VPS26A: variants seen among roughly 807,000 people sequenced by gnomAD.
VPS26A encodes VPS26 retromer complex component A.
A neutral mutation model predicts 42.4 loss-of-function variants in VPS26A; 22 were observed. The ratio of observed to expected loss-of-function variants is 0.52; its 90% CI spans 0.37 to 0.74. The LOEUF (loss-of-function observed/expected upper bound fraction) is 0.74. VPS26A is among the 30% of genes least tolerant of loss of function. The pLI, the probability that VPS26A is intolerant of heterozygous loss-of-function variation, is 0.00. For synonymous variants in VPS26A, 110 were observed against 123.5 expected (o/e 0.89, Z 0.73); for missense variants, 276 against 379.2 (o/e 0.73, Z 2.26).
intron 2 of VPS26A, among the ~76,000 whole-genome samples, chr10:69,154,054 C>T (rs955164815): frequency 6.6e-5 from 10 of 152,192 alleles, no homozygotes; most frequent in Non-Finnish European, 1.3e-4. Flanking sequence ...CTGGTCATCT[C>T]ACAGTGAACT....
rs531340970 is a variant in VPS26A, at chr10:69,133,013, A to C, written c.119A>C (p.Tyr40Ser). 29 of 1,611,030 alleles carry C rather than the reference A, an allele frequency of 1.8e-5. No individual in the cohort carries two copies. Among genetic ancestry groups the C allele is most frequent in the African/African-American group, 1.2e-4 (9 of 74,736 alleles). The stretch of plus-strand genomic sequence containing the variant: ...GAAGATGGCAAAGTAGAAAAACACT[A>C]TCTCTTCTATGACGGAGAATCCGTT... ...KTEDGKVEKH[Y>S]LFYDGESVSG... The change falls in exon 2 of 9, where the codon TAT becomes TCT. Residue 40 changes from tyrosine to serine, a missense_variant. Transcript: ENST00000263559.
At chr10:69,136,459 C>T (rs12244789) in intron 2 of VPS26A, among the ~76,000 whole-genome samples, 6,320 of 151,690 alleles carry the variant, frequency 0.042, 462 homozygotes, top group African/African-American at 0.14. Context: ...TTAACAGAGA[C>T]GGGATTTCAC....
rs1841806839 is a variant in VPS26A, at chr10:69,171,217, A to G, written c.932A>G (p.Gln311Arg). The change falls in exon 9 of 9, where the codon CAG (glutamine) becomes CGG (arginine). Residue 311 changes from glutamine (Q) to arginine (R), a missense_variant. By Grantham distance (43) the Gln-to-Arg change is conservative (BLOSUM62 1). Transcript: ENST00000263559. Reference sequence around the variant, plus strand: ...AGGAAACAGAGAACAAACTTTCACCAGCGATTTGAATCTCCAGAATCACAG... The same window carrying G: ...AGGAAACAGAGAACAAACTTTCACCGGCGATTTGAATCTCCAGAATCACAG... ...KLRKQRTNFH[Q>R]RFESPESQAS... The G allele has an allele frequency of 6.2e-7, 1 of 1,613,902 alleles. No homozygotes were observed. The highest frequency in any genetic ancestry group is 1.1e-5 in the South Asian group (1 of 91,022).
At chr10:69,158,943 TATC>T (rs1841491846) in intron 5 of VPS26A, among the ~76,000 whole-genome samples, 1 of 152,238 alleles carries the variant, frequency 6.6e-6, no homozygotes, top group Non-Finnish European at 1.5e-5. Flanking sequence ...GCTGTATCAA[TATC>T]ATTTTATACA....
At chr10:69,153,203 C>T (rs1237587748) in intron 2 of VPS26A, among the ~76,000 whole-genome samples, 1 of 151,886 alleles carries the variant, frequency 6.6e-6, no homozygotes, top group African/African-American at 2.4e-5. Context: ...GCATGTGCCA[C>T]CACGTCCAGC....
intron 2 of VPS26A, among the ~76,000 whole-genome samples, chr10:69,140,867 GGAGTTCTTA>G (rs1841024111): frequency 6.6e-6 from 1 of 152,068 alleles, no homozygotes; most frequent in South Asian, 2.1e-4. Flanking sequence ...GAGTAATTTG[GGAGTTCTTA>G]GGTCCATCAG....
chr10:69,148,097 T>C (rs1841204165), intron 2 of VPS26A, among the ~76,000 whole-genome samples: 1 of 152,216 alleles, frequency 6.6e-6, no homozygotes, highest in Non-Finnish European at 1.5e-5. Flanking sequence ...AAATAGCTAC[T>C]GTCACAACAG....
At chr10:69,148,646 A>C (rs1244182227) in intron 2 of VPS26A, among the ~76,000 whole-genome samples, 1 of 152,216 alleles carries the variant, frequency 6.6e-6, no homozygotes, top group Non-Finnish European at 1.5e-5. Flanking sequence ...ACAGTGTAGA[A>C]TAATGTAACT....
chr10:69,169,206 C>T (rs1456178347), intron 8 of VPS26A, among the ~76,000 whole-genome samples: 1 of 149,750 alleles, frequency 6.7e-6, no homozygotes, highest in East Asian at 2.0e-4. Flanking sequence ...CATTTTTACT[C>T]AGTAGTGTCT....
chr10:69,142,064 T>C (rs1841054011), intron 2 of VPS26A, among the ~76,000 whole-genome samples: 1 of 152,094 alleles, frequency 6.6e-6, no homozygotes, highest in African/African-American at 2.4e-5. Flanking sequence ...TTTGTATTTT[T>C]AGTAGAGACG....
At chr10:69,151,158 G>A (rs1237314043) in intron 2 of VPS26A, among the ~76,000 whole-genome samples, 7 of 151,210 alleles carry the variant, frequency 4.6e-5, no homozygotes, top group Non-Finnish European at 8.8e-5. Context: ...CCAGCTACTC[G>A]GGAGGCTGAG....
rs552124710 is a variant in VPS26A at position 69,172,662 on chromosome 10, T to C, written c.*1393T>C. 43 of 152,772 alleles carry C rather than the reference T, an allele frequency of 2.8e-4. No homozygotes were observed. The highest frequency in any genetic ancestry group is 9.6e-4 in the African/African-American group (40 of 41,580). The allele number at this position is 152,772 out of a possible 1,614,324, so 9.5% of individuals were successfully genotyped here. ...CATGTGCTGGAGCATCTGTTCTACA[T>C]GTGGATATCTATGAATGGTAATGTT... On this transcript the variant is annotated 3_prime_UTR_variant, in exon 9 of 9. Coordinates refer to ENST00000263559, the MANE Select transcript of VPS26A (RefSeq NM_004896.5).
At position 69,165,963 on chromosome 10, in the gene VPS26A, G is replaced by A; in HGVS notation, c.659-79G>A. On this transcript the variant is annotated intron_variant, in intron 6 of 8. Transcript: ENST00000263559. The stretch of plus-strand genomic sequence containing the variant: ...ACCGTCTCTAAAAAAAAATAATGTA[G>A]TGGAAAAATAAGAAGGCATAAGGCT... 4 of 1,373,828 alleles carry A rather than the reference G, an allele frequency of 2.9e-6. No homozygotes were observed. The Admixed American group carries it at 7.8e-5, about 27-fold the overall frequency. 85.1% of individuals were successfully genotyped at this position (1,373,828 alleles called of 1,614,324 possible). A position where few individuals can be genotyped will look rare whatever the true frequency, so the allele number is the denominator to read the frequency against.
chr10:69,169,037 T>C (rs1204513111), intron 8 of VPS26A, among the ~76,000 whole-genome samples: 15 of 151,558 alleles, frequency 9.9e-5, no homozygotes. Flanking sequence ...TGCTTTTTTT[T>C]TTTTCTTACT....
intron 2 of VPS26A, among the ~76,000 whole-genome samples, chr10:69,144,588 CA>C (rs1841114710): frequency 6.6e-6 from 1 of 152,118 alleles, no homozygotes; most frequent in African/African-American, 2.4e-5. Flanking sequence ...AAGGTTTCTC[CA>C]TATATCTTTG....
At chr10:69,151,496 A>G (rs1353316845) in intron 2 of VPS26A, among the ~76,000 whole-genome samples, 1 of 151,434 alleles carries the variant, frequency 6.6e-6, no homozygotes, top group African/African-American at 2.4e-5. Context: ...GCTCACCAGC[A>G]TAGTTAGTTT....
chr10:69,130,338 G>A (rs1202649331), intron 1 of VPS26A, among the ~76,000 whole-genome samples: 1 of 152,210 alleles, frequency 6.6e-6, no homozygotes, highest in Non-Finnish European at 1.5e-5. Flanking sequence ...GTCAAGGAAG[G>A]TCTCATGGAG....
At position 69,145,046 on chromosome 10, in the gene VPS26A, T is replaced by A. The variant is rs562364592; in HGVS notation, c.154-10766T>A. ...ATTTAATTAAATTAATTAATTAATT[T>A]ATTTTTGAGACAGAGTTTCGCTCTT... On this transcript the variant is annotated intron_variant, in intron 2 of 8. Coordinates refer to ENST00000263559, the MANE Select transcript of VPS26A (RefSeq NM_004896.5). Among the ~76,000 whole-genome samples the A allele has an allele frequency of 3.4e-4, 52 of 152,232 alleles. 1 individual carries two copies. The South Asian group carries it at 7.7e-3, about 22-fold the overall frequency.
In VPS26A at chr10:69,158,210, A is replaced by C; in HGVS notation, c.550A>C (p.Lys184Gln). 1 of 1,579,856 alleles carries C rather than the reference A, an allele frequency of 6.3e-7. No individual in the cohort carries two copies. The highest frequency in any genetic ancestry group is 1.2e-5 in the South Asian group (1 of 84,812). Residue 184 changes from lysine to glutamine, a missense_variant and splice_region_variant, in exon 5 of 9, where the codon AAG (lysine) becomes CAG (glutamine). By Grantham distance (53) the Lys-to-Gln change is moderately conservative (BLOSUM62 1). Transcript: ENST00000263559. Reference sequence around the variant, plus strand: ...TATAGAATTTGAATATAATAAATCAAAGTAAGTATCATTCACAGATAAGTT... The same window carrying C: ...TATAGAATTTGAATATAATAAATCACAGTAAGTATCATTCACAGATAAGTT... ...LHIEFEYNKS[K>Q]YHLKDVIVGK...
Sources: allele counts gnomAD v4.1 joint callset (sites outside exome capture counted in the v4.1 genomes callset), GRCh38; gene constraint gnomAD v4.1.1; transcripts MANE v1.5; gene names NCBI Gene and HGNC (gene_info 2026-07-23, HGNC 2026-07-21).